Variants in SPMIP4 observed in about 807,000 individuals in gnomAD.
The protein encoded by SPMIP4 is sperm-associated microtubule inner protein 4.
chr7:25,161,398 T>C, the SPMIP4 span: 2 of 430,908 alleles, frequency 4.6e-6, no homozygotes, highest in Non-Finnish European at 8.3e-6. Flanking sequence ...GTCATTTTAT[T>C]TATTATTATT....
the SPMIP4 span, among the ~76,000 whole-genome samples, chr7:25,175,910 G>A: frequency 6.6e-6 from 1 of 152,162 alleles, no homozygotes; most frequent in Non-Finnish European, 1.5e-5. Flanking sequence ...AAGCTGTCTG[G>A]CTGCTTTTTA....
chr7:25,163,564 A>G, the SPMIP4 span, among the ~76,000 whole-genome samples: 1 of 152,170 alleles, frequency 6.6e-6, no homozygotes, highest in Non-Finnish European at 1.5e-5. The surrounding 1 kb of genome is among the most constrained non-coding windows in gnomAD (Gnocchi z 4.4). Flanking sequence ...CTTCATAACG[A>G]AGTGATCATG....
chr7:25,134,483 G>A, the SPMIP4 span, among the ~76,000 whole-genome samples: 1 of 152,142 alleles, frequency 6.6e-6, no homozygotes, highest in South Asian at 2.1e-4. Flanking sequence ...AATCAGCAGA[G>A]TTAAAGGAAA....
At chr7:25,172,814 G>A in the SPMIP4 span, among the ~76,000 whole-genome samples, 1,557 of 152,228 alleles carry the variant, frequency 0.01, 30 homozygotes, top group African/African-American at 0.036. This position sits in a 1 kb window ranked among gnomAD's most constrained non-coding sequence, Gnocchi z 4.2. Flanking sequence ...TATATTAGAA[G>A]AGTTGATATA....
At chr7:25,175,072 G>GA in the SPMIP4 span, among the ~76,000 whole-genome samples, 2 of 152,068 alleles carry the variant, frequency 1.3e-5, no homozygotes, top group African/African-American at 4.8e-5. Flanking sequence ...AATGTAAGCT[G>GA]AAAAACTAAA....
the SPMIP4 span, among the ~76,000 whole-genome samples, chr7:25,127,493 C>T: frequency 1.3e-5 from 2 of 152,044 alleles, no homozygotes; most frequent in Non-Finnish European, 1.5e-5. Context: ...TTTTTTAGTA[C>T]GTTAATTGGA....
chr7:25,137,307 T>C, the SPMIP4 span, among the ~76,000 whole-genome samples: 21 of 136,974 alleles, frequency 1.5e-4, no homozygotes, highest in Non-Finnish European at 3.1e-5. Context: ...TTTTCTTTTT[T>C]TTTTTTTTTT....
At chr7:25,154,425 T>C in the SPMIP4 span, among the ~76,000 whole-genome samples, 1 of 152,160 alleles carries the variant, frequency 6.6e-6, no homozygotes, top group Non-Finnish European at 1.5e-5. Context: ...AAGACCGAGG[T>C]GTCTAGTGTG....
chr7:25,168,961 A>G, the SPMIP4 span, among the ~76,000 whole-genome samples: 1 of 151,764 alleles, frequency 6.6e-6, no homozygotes, highest in African/African-American at 2.4e-5. Flanking sequence ...TCCTGACCTC[A>G]GGTGATCCAC....
At chr7:25,126,025 T>C in the SPMIP4 span, 12 of 864,492 alleles carry the variant, frequency 1.4e-5, no homozygotes, top group South Asian at 5.3e-5. Flanking sequence ...TATGTACCTT[T>C]TAAAATTTTT....
the SPMIP4 span, among the ~76,000 whole-genome samples, chr7:25,174,696 C>A: frequency 6.6e-6 from 1 of 152,150 alleles, no homozygotes; most frequent in African/African-American, 2.4e-5. The surrounding 1 kb of genome is among the most constrained non-coding windows in gnomAD (Gnocchi z 4.5). Context: ...CTAAGCAATT[C>A]TCAAGGCACT....
the SPMIP4 span, among the ~76,000 whole-genome samples, chr7:25,173,083 G>A: frequency 1.3e-5 from 2 of 151,778 alleles, no homozygotes; most frequent in African/African-American, 4.8e-5. The surrounding 1 kb of genome is among the most constrained non-coding windows in gnomAD (Gnocchi z 4.4). Context: ...GAAAGAGAAG[G>A]GGAGATAGGT....
At chr7:25,149,176 G>A in the SPMIP4 span, among the ~76,000 whole-genome samples, 1 of 152,242 alleles carries the variant, frequency 6.6e-6, no homozygotes, top group South Asian at 2.1e-4. Flanking sequence ...GGTAGCTGTA[G>A]GCTATACTTA....
At chr7:25,140,657 G>A in the SPMIP4 span, among the ~76,000 whole-genome samples, 4 of 148,028 alleles carry the variant, frequency 2.7e-5, no homozygotes, top group African/African-American at 7.5e-5. Context: ...ATCTTGGCTT[G>A]CTGCAACCTC....
chr7:25,135,039 C>A, the SPMIP4 span: 1 of 638,306 alleles, frequency 1.6e-6, no homozygotes, highest in Non-Finnish European at 1.9e-6. Flanking sequence ...AATAAATATT[C>A]ACAAAATACT....
the SPMIP4 span, among the ~76,000 whole-genome samples, chr7:25,147,284 A>C: frequency 6.6e-6 from 1 of 152,088 alleles, no homozygotes; most frequent in Non-Finnish European, 1.5e-5. Flanking sequence ...ACAGAACAAG[A>C]CTCCATTTCA....
At chr7:25,154,966 C>A in the SPMIP4 span, 1 of 1,538,718 alleles carries the variant, frequency 6.5e-7, no homozygotes, top group Non-Finnish European at 8.9e-7. Context: ...GAAGAAATCC[C>A]AATAATAAGA....
chr7:25,155,123 G>T, the SPMIP4 span: 1 of 1,613,098 alleles, frequency 6.2e-7, no homozygotes, highest in Non-Finnish European at 8.5e-7. Flanking sequence ...ACGTGAAGGT[G>T]GGGAACATGG....
At chr7:25,147,952 C>A in the SPMIP4 span, among the ~76,000 whole-genome samples, 1 of 152,160 alleles carries the variant, frequency 6.6e-6, no homozygotes, top group Non-Finnish European at 1.5e-5. Flanking sequence ...GTATGTTATA[C>A]ATATTTTCTT....
Sources: allele counts gnomAD v4.1 joint callset (sites outside exome capture counted in the v4.1 genomes callset), GRCh38; gene constraint gnomAD v4.1.1; non-coding constraint Gnocchi (gnomAD v3.1); transcripts MANE v1.5; gene names NCBI Gene and HGNC (gene_info 2026-07-23, HGNC 2026-07-21).